UBAP2: variants seen among roughly 807,000 people sequenced by gnomAD.
UBAP2 encodes ubiquitin-associated protein 2.
UBAP2 carries 75 observed loss-of-function variants against 139.6 expected under a neutral mutation model. The ratio of observed to expected loss-of-function variants is 0.54; its 90% CI spans 0.45 to 0.65. The LOEUF (loss-of-function observed/expected upper bound fraction) is 0.65, where lower values mean the gene tolerates loss of function less well. Ranked by LOEUF, UBAP2 falls within the 30% of genes least tolerant of loss-of-function variation. The pLI is 0.00. For missense variants in UBAP2, 1,368 were observed against 1,369.6 expected (o/e 1.00, Z 0.02); for synonymous variants, 526 against 526.2 (o/e 1.00, Z 0.01).
chr9:33,935,015 G>A (rs1206029568), intron 17 of UBAP2, among the ~76,000 whole-genome samples: 3 of 152,110 alleles, frequency 2.0e-5, no homozygotes, highest in Admixed American at 6.5e-5. Context: ...TATTTAAAGA[G>A]TCTTTCTGGC....
intron 2 of UBAP2, among the ~76,000 whole-genome samples, chr9:34,002,737 A>G (rs1361975709): frequency 6.6e-6 from 1 of 151,982 alleles, no homozygotes; most frequent in Non-Finnish European, 1.5e-5. Flanking sequence ...CAATGGCACA[A>G]TCAGTGCTCA....
intron 1 of UBAP2, among the ~76,000 whole-genome samples, chr9:34,023,191 A>G (rs1430198574): frequency 1.3e-5 from 2 of 150,518 alleles, no homozygotes; most frequent in African/African-American, 4.9e-5. Flanking sequence ...GCACCACTCC[A>G]CTCCAGGGAA....
Position 33,991,015 on chromosome 9 carries a change from T to C in UBAP2, c.289-1889A>G, listed in dbSNP as rs573141116. Among the ~76,000 whole-genome samples, 24 of 152,262 alleles carry C rather than the reference T, an allele frequency of 1.6e-4. No individual in the cohort carries two copies. In the South Asian group the frequency reaches 5.0e-3, roughly 32 times the overall value. ...AATAAAACAACGTGGCCGAGCACAC[T>C]GGCTCACGCCTGTAATCCCAGCACA... On this transcript the variant is annotated intron_variant, in intron 4 of 28. Transcript: ENST00000379238.
chr9:34,025,574 T>C (rs1361840580), intron 1 of UBAP2, among the ~76,000 whole-genome samples: 1 of 152,098 alleles, frequency 6.6e-6, no homozygotes, highest in Non-Finnish European at 1.5e-5. Flanking sequence ...ATCAGCAAAA[T>C]ATAATATAAA....
rs1288050434 is a variant in UBAP2, at chr9:33,971,894, A to G, written c.576-140T>C. ...AAAAGACATCACCTCTCCTTCCCCT[A>G]TTTAAATATAACTAATTCTGCCAGC... On this transcript the variant is annotated intron_variant, in intron 7 of 28. Transcript: ENST00000379238. The G allele has an allele frequency of 5.2e-6, 3 of 573,788 alleles. No individual in the cohort carries two copies. In the East Asian group the frequency reaches 8.6e-5, roughly 16 times the overall value. 35.5% of individuals were successfully genotyped at this position (573,788 alleles called of 1,614,324 possible). A position where few individuals can be genotyped will look rare whatever the true frequency, so the allele number is the denominator to read the frequency against.
At chr9:33,955,251 T>C (rs2130984276) in intron 11 of UBAP2, among the ~76,000 whole-genome samples, 1 of 150,884 alleles carries the variant, frequency 6.6e-6, no homozygotes, top group Non-Finnish European at 1.5e-5. Context: ...CCAGGCGCGG[T>C]GGCTCACACC....
chr9:33,980,157 C>T (rs1457610528), intron 6 of UBAP2, among the ~76,000 whole-genome samples: 8 of 150,162 alleles, frequency 5.3e-5, no homozygotes, highest in Non-Finnish European at 8.9e-5. Context: ...CTAATAATTC[C>T]GCTTTAATCC....
At chr9:33,972,229 T>TA (rs1333761585) in intron 7 of UBAP2, among the ~76,000 whole-genome samples, 2 of 152,320 alleles carry the variant, frequency 1.3e-5, no homozygotes, top group East Asian at 3.8e-4. Context: ...TTCTTTTCAA[T>TA]AAAATCCTAA....
chr9:34,030,478 C>A (rs541922169), intron 1 of UBAP2, among the ~76,000 whole-genome samples: 2 of 151,608 alleles, frequency 1.3e-5, no homozygotes, highest in African/African-American at 4.8e-5. Context: ...AAAAAACTGG[C>A]CCGGTATGAC....
chr9:33,974,959 G>A (rs556329961), intron 6 of UBAP2, among the ~76,000 whole-genome samples: 10 of 147,674 alleles, frequency 6.8e-5, no homozygotes, highest in South Asian at 2.2e-4. Flanking sequence ...GCGGGGGGGC[G>A]GGCAATGGAC....
At chr9:33,924,890 A>C (rs1034350327) in intron 22 of UBAP2, among the ~76,000 whole-genome samples, 2 of 152,126 alleles carry the variant, frequency 1.3e-5, no homozygotes, top group African/African-American at 2.4e-5. Flanking sequence ...TAAAACATGA[A>C]ATTTGTTTGC....
chr9:33,955,896 G>A (rs1267174919), intron 11 of UBAP2, among the ~76,000 whole-genome samples, 183 bp downstream of exon 11: 1 of 151,868 alleles, frequency 6.6e-6, no homozygotes, highest in East Asian at 1.9e-4. Context: ...TTCATCAGTG[G>A]ATACATCAAT....
At position 33,948,417 on chromosome 9, in the gene UBAP2, G is replaced by A. The variant is rs1564025961; in HGVS notation, c.1227C>T (p.Asp409=). The change falls in exon 13 of 29, where the codon GAC becomes GAT. Residue 409 remains aspartate, a synonymous_variant. Coordinates refer to ENST00000379238, the MANE Select transcript of UBAP2 (RefSeq NM_001370062.2). Reference sequence around the variant, plus strand: ...AGGACTGGGATGTTGGGGGCTTGAGGTCCCAAGAAGTAGTAGTTGTAGGGT... The same window carrying A: ...AGGACTGGGATGTTGGGGGCTTGAGATCCCAAGAAGTAGTAGTTGTAGGGT... The part of the protein sequence containing the change: ...TSHPTTTTSW[D]LKPPTSQSSV... 1 of 1,613,650 alleles carries A rather than the reference G, an allele frequency of 6.2e-7. No homozygotes were observed. The highest frequency in any genetic ancestry group is 1.7e-5 in the Admixed American group (1 of 59,996).
chr9:34,014,664 G>A (rs1045103125), intron 2 of UBAP2, among the ~76,000 whole-genome samples: 1 of 151,286 alleles, frequency 6.6e-6, no homozygotes, highest in Admixed American at 6.6e-5. Flanking sequence ...GCATGATGTT[G>A]CCTGCCTGTA....
chr9:34,030,365 C>T (rs1385601312), intron 1 of UBAP2, among the ~76,000 whole-genome samples: 3 of 152,112 alleles, frequency 2.0e-5, no homozygotes, highest in Non-Finnish European at 2.9e-5. Flanking sequence ...AGGAGAATGG[C>T]GTGAACCCGG....
chr9:33,981,122 A>C lies in UBAP2; in HGVS notation c.520+5638T>G, dbSNP rs1278384600. On this transcript the variant is annotated intron_variant, in intron 6 of 28. Coordinates refer to ENST00000379238, the MANE Select transcript of UBAP2 (RefSeq NM_001370062.2). ...ATTCTGGATATATATATATATATAT[A>C]TATATATATATATATTCTGGATATA... 2.0e-3 allele frequency among the ~76,000 whole-genome samples: 22 copies of C among 11,278 alleles called. 10 individuals are homozygous for C. The highest frequency in any genetic ancestry group is 4.4e-3 in the Non-Finnish European group (20 of 4,504). 7.4% of individuals were successfully genotyped at this position (11,278 alleles called of 152,430 possible).
intron 1 of UBAP2, among the ~76,000 whole-genome samples, chr9:34,018,111 CAA>C (rs1174373078): frequency 1.3e-5 from 2 of 150,986 alleles, no homozygotes; most frequent in Admixed American, 1.3e-4. Context: ...TGCTTGAGCC[CAA>C]GAGTTTGAGA....
rs148942502 is a variant in UBAP2 at position 33,935,559 on chromosome 9, G to A, written c.1969+280C>T. On this transcript the variant is annotated intron_variant, in intron 17 of 28. Coordinates refer to ENST00000379238, the MANE Select transcript of UBAP2 (RefSeq NM_001370062.2). ...TGGGATTATGGGCATCAGCCACCCC[G>A]CCTGGCCCAAGCATCTTTAAAATGC... 2.6e-3 allele frequency: 1,121 copies of A among 437,624 alleles called. 11 individuals carry two copies. Among genetic ancestry groups the A allele is most frequent in the African/African-American group, 0.021 (1,017 of 48,546 alleles). The allele number at this position is 437,624 out of a possible 1,614,324, so 27.1% of individuals were successfully genotyped here.
chr9:34,016,842 G>GC (rs1270120936), intron 2 of UBAP2, among the ~76,000 whole-genome samples: 5 of 152,022 alleles, frequency 3.3e-5, no homozygotes, highest in Admixed American at 6.6e-5. Flanking sequence ...ACAGGCGTGA[G>GC]CCACCGCACC....
Sources: gnomAD v4.1 joint callset for allele counts (sites outside exome capture counted in the v4.1 genomes callset) on GRCh38, gnomAD v4.1.1 for gene constraint, MANE v1.5 for transcripts, NCBI Gene and HGNC (gene_info 2026-07-23, HGNC 2026-07-21) for gene names.